Variants in MAF observed in about 807,000 individuals in gnomAD.
The protein encoded by MAF is MAF bZIP transcription factor, also known as transcription factor Maf.
Under a neutral mutation model 22.0 loss-of-function variants are expected in MAF, and 10 were observed. The observed-to-expected ratio is 0.45, with a 90% CI of 0.28 to 0.77. MAF has a LOEUF of 0.77. Among genes scored for constraint, MAF ranks in the 30% least tolerant of loss-of-function variants. MAF has a pLI of 0.12. For synonymous variants in MAF, 337 were observed against 255.8 expected (o/e 1.32, Z -3.03); for missense variants, 544 against 548.4 (o/e 0.99, Z 0.08).
the MAF span, among the ~76,000 whole-genome samples, chr16:79,363,945 C>T: frequency 6.6e-6 from 1 of 152,158 alleles, no homozygotes; most frequent in African/African-American, 2.4e-5. Flanking sequence ...TGCTACCCAT[C>T]CAGCCTGACT....
chr16:79,437,642 C>T, the MAF span, among the ~76,000 whole-genome samples: 4 of 152,170 alleles, frequency 2.6e-5, no homozygotes, highest in South Asian at 2.1e-4. Flanking sequence ...GAGCTCATGC[C>T]GGTCACCCAG....
the MAF span, among the ~76,000 whole-genome samples, chr16:79,365,736 C>T: frequency 1.3e-5 from 2 of 151,808 alleles, no homozygotes; most frequent in East Asian, 3.9e-4. Context: ...GACCATGCCA[C>T]AAATATCCAG....
chr16:79,525,871 C>T, the MAF span, among the ~76,000 whole-genome samples: 27 of 152,192 alleles, frequency 1.8e-4, no homozygotes, highest in South Asian at 4.6e-3. Flanking sequence ...CAAGAATTCG[C>T]GAGAAAGAAT....
chr16:79,595,206 C>G, intron 1 of MAF: 1 of 1,037,724 alleles, frequency 9.6e-7, no homozygotes, highest in Non-Finnish European at 1.2e-6. Flanking sequence ...ACTATTAAGA[C>G]TTTTGTTAAG....
At chr16:79,580,331 G>A in the MAF span, among the ~76,000 whole-genome samples, 1 of 152,144 alleles carries the variant, frequency 6.6e-6, no homozygotes, top group Non-Finnish European at 1.5e-5. Context: ...AGTGATCAAA[G>A]ATCAGAGCAA....
the MAF span, among the ~76,000 whole-genome samples, chr16:79,379,948 T>A: frequency 6.6e-6 from 1 of 152,202 alleles, no homozygotes; most frequent in East Asian, 1.9e-4. Flanking sequence ...AATGGAGCAG[T>A]TCACAAAATC....
At chr16:79,397,902 C>G in the MAF span, among the ~76,000 whole-genome samples, 2 of 152,176 alleles carry the variant, frequency 1.3e-5, no homozygotes, top group Non-Finnish European at 2.9e-5. Context: ...AGGCCTGATT[C>G]TGGAGAGAAA....
the MAF span, among the ~76,000 whole-genome samples, chr16:79,502,700 T>C: frequency 4.1e-5 from 1 of 24,476 alleles, no homozygotes; most frequent in Non-Finnish European, 9.1e-5. Flanking sequence ...AATATAAATA[T>C]AAATATAAAT....
the MAF span, among the ~76,000 whole-genome samples, chr16:79,315,195 C>G: frequency 5.3e-5 from 8 of 152,046 alleles, no homozygotes; most frequent in Admixed American, 1.3e-4. Context: ...CATTCCTGCC[C>G]TTGTGGAGTT....
the MAF span, among the ~76,000 whole-genome samples, chr16:79,239,337 C>G: frequency 3.3e-5 from 5 of 151,976 alleles, no homozygotes; most frequent in African/African-American, 1.2e-4. Context: ...GAGGAGTTTC[C>G]TGGGCCGTGG....
At chr16:79,402,106 C>T in the MAF span, among the ~76,000 whole-genome samples, 2 of 152,132 alleles carry the variant, frequency 1.3e-5, no homozygotes, top group African/African-American at 4.8e-5. Flanking sequence ...CTCTAGCTGC[C>T]TGAGGCTAGC....
chr16:79,464,553 G>A, the MAF span, among the ~76,000 whole-genome samples: 23 of 152,248 alleles, frequency 1.5e-4, no homozygotes, highest in African/African-American at 5.5e-4. Context: ...TCGAAATGCT[G>A]TACAGACCCA....
At chr16:79,209,263 C>T in the MAF span, among the ~76,000 whole-genome samples, 5 of 152,192 alleles carry the variant, frequency 3.3e-5, no homozygotes, top group African/African-American at 9.6e-5. Context: ...CCAGCTCCTG[C>T]AACAATGGCA....
chr16:79,569,264 G>A, the MAF span, among the ~76,000 whole-genome samples: 3 of 152,282 alleles, frequency 2.0e-5, no homozygotes, highest in Non-Finnish European at 4.4e-5. Flanking sequence ...AACCTCACTG[G>A]AGGCCAGTGG....
chr16:79,586,787 C>G (rs1912869292), intron 1 of MAF, among the ~76,000 whole-genome samples: 1 of 152,142 alleles, frequency 6.6e-6, no homozygotes, highest in African/African-American at 2.4e-5. Flanking sequence ...TATAGCTAGT[C>G]ACAATATAGA....
At chr16:79,282,581 A>C in the MAF span, among the ~76,000 whole-genome samples, 1 of 152,168 alleles carries the variant, frequency 6.6e-6, no homozygotes, top group African/African-American at 2.4e-5. Context: ...CGCTTCCCCA[A>C]AGGCTACGGT....
downstream of MAF, among the ~76,000 whole-genome samples, chr16:79,591,159 G>C (rs75667564): frequency 0.046 from 6,965 of 152,194 alleles, 187 homozygotes; most frequent in South Asian, 0.11. Context: ...GGAAAAAATA[G>C]TTCTTTGGAA....
At chr16:79,443,511 G>C in the MAF span, among the ~76,000 whole-genome samples, 1 of 152,214 alleles carries the variant, frequency 6.6e-6, no homozygotes, top group Non-Finnish European at 1.5e-5. Context: ...TTCTTACATT[G>C]CTGGAGGGAG....
At chr16:79,229,356 G>T in the MAF span, 9,018 of 151,766 alleles carry the variant, frequency 0.059, 389 homozygotes, top group Non-Finnish European at 0.085. Context: ...CCGGAAAGCA[G>T]GCATTGTGCA....
Sources: allele counts gnomAD v4.1 joint callset (sites outside exome capture counted in the v4.1 genomes callset), GRCh38; gene constraint gnomAD v4.1.1; transcripts MANE v1.5; gene names NCBI Gene and HGNC (gene_info 2026-07-23, HGNC 2026-07-21).